The following SYT14 variants were observed in gnomAD, a reference collection of about 807,000 sequenced individuals.
SYT14 encodes the protein synaptotagmin 14.
SYT14 carries 32 observed loss-of-function variants against 74.2 expected under a neutral mutation model. The ratio of observed to expected loss-of-function variants is 0.43; its 90% CI spans 0.33 to 0.58. The LOEUF (loss-of-function observed/expected upper bound fraction) is 0.58. SYT14 is among the 20% of genes least tolerant of loss of function. The pLI is 0.05. For missense variants in SYT14, 791 were observed against 981.8 expected, an observed-to-expected ratio of 0.81 and a Z score of 2.60; for synonymous variants, 298 against 337.7, an observed-to-expected ratio of 0.88 and a Z score of 1.29.
chr1:210,110,708 TC>T (rs1398943308), intron 7 of SYT14, among the ~76,000 whole-genome samples: 1 of 152,208 alleles, frequency 6.6e-6, no homozygotes, highest in Non-Finnish European at 1.5e-5. Flanking sequence ...ATTTCACAAG[TC>T]TAATTTAAAT....
At chr1:209,997,175 C>A (rs1202109722) in intron 2 of SYT14, among the ~76,000 whole-genome samples, 1 of 151,344 alleles carries the variant, frequency 6.6e-6, no homozygotes, top group Non-Finnish European at 1.5e-5. Flanking sequence ...AAAAAAAAGT[C>A]AAATGGCTTC....
At position 210,013,617 on chromosome 1, in the gene SYT14, CTT is replaced by C. The variant is rs748912589; in HGVS notation, c.-485-8_-485-7del. 2.5e-6 allele frequency: 4 copies of C among 1,597,972 alleles called. No individual in the cohort carries two copies. The highest frequency in any genetic ancestry group is 2.7e-5 in the African/African-American group (2 of 74,228). The stretch of plus-strand genomic sequence containing the variant: ...GAAAAATAAATGCTTACAGCTGTGA[CTT>C]TTTTTTTCTCTAGTATCTCCAGAGG... On this transcript the variant is annotated splice_polypyrimidine_tract_variant and intron_variant, in intron 2 of 9. Coordinates refer to ENST00000637265, the Ensembl canonical transcript of SYT14.
rs1162146987 is a variant in SYT14, at chr1:210,109,597, AAAAAC to A, written c.2034+9144_2034+9148del. 2.2e-3 allele frequency among the ~76,000 whole-genome samples: 322 copies of A among 149,710 alleles called. 2 individuals are homozygous for A. Among genetic ancestry groups the A allele is most frequent in the Middle Eastern group, 6.9e-3 (2 of 290 alleles). ...GTCTCAAAAAAAAAAAAAAGAGAGA[AAAAAC>A]AAAACAACAACAACAAAAAGGAAAC... On this transcript the variant is annotated intron_variant, in intron 7 of 9. Transcript: ENST00000637265.
chr1:210,016,585 T>C, exon 4 of SYT14: 2 of 1,231,858 alleles, frequency 1.6e-6, no homozygotes, highest in Non-Finnish European at 2.0e-6. Flanking sequence ...AGGTAGGATA[T>C]CAAGAAATGA....
chr1:209,978,321 A>C (rs886263798), intron 2 of SYT14, among the ~76,000 whole-genome samples: 2 of 151,570 alleles, frequency 1.3e-5, no homozygotes, highest in South Asian at 2.1e-4. Flanking sequence ...CTGTTTTTTC[A>C]CCATCTTTGT....
intron 2 of SYT14, among the ~76,000 whole-genome samples, chr1:209,998,717 T>C (rs2102869610): frequency 6.6e-6 from 1 of 152,186 alleles, no homozygotes; most frequent in Non-Finnish European, 1.5e-5. Flanking sequence ...CTTCAATAAA[T>C]GGTGTTGGGA....
chr1:210,073,926 A>G (rs1450820391), intron 5 of SYT14, among the ~76,000 whole-genome samples: 3 of 97,190 alleles, frequency 3.1e-5, no homozygotes, highest in African/African-American at 1.5e-4. Flanking sequence ...TGGTATATCA[A>G]GAAAACAGAT....
intron 5 of SYT14, among the ~76,000 whole-genome samples, chr1:210,059,072 A>T (rs1306846023): frequency 6.6e-6 from 1 of 152,124 alleles, no homozygotes; most frequent in Non-Finnish European, 1.5e-5. Context: ...ATTCTGTTTT[A>T]CAAGTTAGAA....
rs76572042 is a variant in SYT14, at chr1:210,082,077, G to A, written c.1313-12245G>A. 2.9e-3 allele frequency among the ~76,000 whole-genome samples: 448 copies of A among 152,342 alleles called. 2 individuals are homozygous for A. Among genetic ancestry groups the A allele is most frequent in the African/African-American group, 9.9e-3 (411 of 41,574 alleles). The stretch of plus-strand genomic sequence containing the variant: ...AATTCAGTTTAAGGAGCAAAGCAAA[G>A]CAGTTGAGTAAATGTAGTTGTTAGA... On this transcript the variant is annotated intron_variant, in intron 5 of 9. Transcript: ENST00000637265.
At chr1:210,126,812 T>G (rs979493453) in intron 7 of SYT14, among the ~76,000 whole-genome samples, 2 of 152,326 alleles carry the variant, frequency 1.3e-5, no homozygotes, top group African/African-American at 4.8e-5. Flanking sequence ...TTGGTCCTTT[T>G]GGATGTTTCT....
At chr1:210,132,720 A>C (rs2082702751) in intron 7 of SYT14, among the ~76,000 whole-genome samples, 1 of 152,002 alleles carries the variant, frequency 6.6e-6, no homozygotes, top group Non-Finnish European at 1.5e-5. Context: ...TAATCTTCAG[A>C]GTATTGCAAC....
intron 5 of SYT14, among the ~76,000 whole-genome samples, chr1:210,066,752 G>T: frequency 6.6e-6 from 1 of 151,928 alleles, no homozygotes; most frequent in African/African-American, 2.4e-5. Flanking sequence ...TGTCAATTTT[G>T]GCTTTTGTAG....
chr1:209,957,350 T>C (rs993209575), intron 2 of SYT14, among the ~76,000 whole-genome samples: 2 of 152,192 alleles, frequency 1.3e-5, no homozygotes, highest in African/African-American at 2.4e-5. Flanking sequence ...GTTTTCTGTT[T>C]TTACTGATGT....
intron 7 of SYT14, among the ~76,000 whole-genome samples, chr1:210,143,355 C>A (rs4844952): frequency 0.6 from 91,749 of 151,946 alleles, 28,928 homozygotes; most frequent in East Asian, 0.85. Context: ...CCAGAAATGT[C>A]TATATTTTGC....
chr1:210,069,441 T>G (rs190163238), intron 5 of SYT14, among the ~76,000 whole-genome samples: 1 of 152,136 alleles, frequency 6.6e-6, no homozygotes, highest in Non-Finnish European at 1.5e-5. Context: ...TTTTCTTAAA[T>G]TATTTTAACA....
intron 7 of SYT14, among the ~76,000 whole-genome samples, chr1:210,112,391 C>A (rs2082280034): frequency 6.6e-6 from 1 of 151,408 alleles, no homozygotes; most frequent in African/African-American, 2.5e-5. Flanking sequence ...TTCTAAGAGG[C>A]AGGCTAGTGG....
intron 5 of SYT14, among the ~76,000 whole-genome samples, chr1:210,064,793 G>A (rs1201711190): frequency 1.3e-5 from 2 of 152,002 alleles, no homozygotes; most frequent in Non-Finnish European, 2.9e-5. Flanking sequence ...GAATAGAATT[G>A]TAGGGTCACA....
At chr1:210,148,349 A>C (rs554782188) in intron 7 of SYT14, among the ~76,000 whole-genome samples, 1 of 152,252 alleles carries the variant, frequency 6.6e-6, no homozygotes, top group South Asian at 2.1e-4. Flanking sequence ...TCTACTAAAA[A>C]TACAAAAAAA....
chr1:209,945,341 T>C (rs182936158), intron 1 of SYT14, among the ~76,000 whole-genome samples: 3 of 152,324 alleles, frequency 2.0e-5, no homozygotes, highest in Non-Finnish European at 4.4e-5. Context: ...CAATGATCTT[T>C]ATGTAACACT....
Sources: allele counts gnomAD v4.1 joint callset (sites outside exome capture counted in the v4.1 genomes callset), GRCh38; gene constraint gnomAD v4.1.1; transcripts MANE v1.5; gene names NCBI Gene and HGNC (gene_info 2026-07-23, HGNC 2026-07-21).